Variants in ASTN2 observed in about 807,000 individuals in gnomAD.
ASTN2 encodes astrotactin-2.
ASTN2 carries 54 observed loss-of-function variants against 139.8 expected under a neutral mutation model. The observed-to-expected ratio is 0.39, with a 90% CI of 0.31 to 0.48. The LOEUF is 0.48. Among genes scored for constraint, ASTN2 ranks in the 20% least tolerant of loss-of-function variants. The pLI, the probability that ASTN2 is intolerant of heterozygous loss-of-function variation, is 0.95. For synonymous variants in ASTN2, 756 were observed against 719.5 expected, an observed-to-expected ratio of 1.05 and a Z score of -0.81; for missense variants, 1,565 against 1,725.1, an observed-to-expected ratio of 0.91 and a Z score of 1.64.
rs568653552 is a variant in ASTN2, at chr9:117,404,857, A to T, written c.442+9640T>A. On this transcript the variant is annotated intron_variant, in intron 1 of 22. Transcript: ENST00000313400. ...GGGAGGAAGGAAGAAAAGGGGGAAAAAAAAGAAGGAAAGGGGATGGGGAAG... is the reference window on the plus strand; with the variant it reads ...GGGAGGAAGGAAGAAAAGGGGGAAATAAAAGAAGGAAAGGGGATGGGGAAG... Among the ~76,000 whole-genome samples the T allele has an allele frequency of 6.2e-4, 95 of 152,302 alleles. No individual in the cohort carries two copies. The Middle Eastern group carries it at 0.01, about 16-fold the overall frequency.
chr9:116,431,134 T>C (rs1194196826), intron 22 of ASTN2, among the ~76,000 whole-genome samples: 1 of 152,172 alleles, frequency 6.6e-6, no homozygotes. Flanking sequence ...AGATGCCACT[T>C]TTCCGGGACT....
intron 13 of ASTN2, among the ~76,000 whole-genome samples, chr9:116,780,356 T>G (rs897840917): frequency 5.3e-5 from 8 of 152,212 alleles, no homozygotes; most frequent in African/African-American, 1.9e-4. Context: ...ATTTGCTCAC[T>G]GAATGGACTT....
At chr9:116,735,033 A>G (rs1828890241) in intron 13 of ASTN2, among the ~76,000 whole-genome samples, 1 of 152,138 alleles carries the variant, frequency 6.6e-6, no homozygotes, top group African/African-American at 2.4e-5. Flanking sequence ...GCAATCCCAA[A>G]AGATAGATAT....
chr9:117,295,782 C>G (rs1243110518), intron 1 of ASTN2, among the ~76,000 whole-genome samples: 1 of 151,522 alleles, frequency 6.6e-6, no homozygotes, highest in African/African-American at 2.4e-5. Context: ...AAGTAAAGGT[C>G]GATTGAAAAC....
At chr9:116,629,141 G>A (rs1489687418) in intron 17 of ASTN2, among the ~76,000 whole-genome samples, 7 of 135,834 alleles carry the variant, frequency 5.2e-5, no homozygotes, top group Non-Finnish European at 1.1e-4. Context: ...TTTTTGAGAC[G>A]GAGTCTCGCT....
chr9:116,682,179 G>GA (rs1232315742), intron 16 of ASTN2, among the ~76,000 whole-genome samples: 1 of 152,020 alleles, frequency 6.6e-6, no homozygotes, highest in East Asian at 1.9e-4. Flanking sequence ...AAATTTACAA[G>GA]AAAAAAACAA....
intron 11 of ASTN2, among the ~76,000 whole-genome samples, chr9:116,828,200 G>A (rs999610556): frequency 3.3e-5 from 5 of 151,866 alleles, no homozygotes; most frequent in Non-Finnish European, 5.9e-5. Context: ...GGGAGGCTGA[G>A]GCAGGAGAAT....
intron 4 of ASTN2, among the ~76,000 whole-genome samples, chr9:117,121,133 T>G (rs1290917300): frequency 6.6e-6 from 1 of 152,260 alleles, no homozygotes; most frequent in Non-Finnish European, 1.5e-5. Flanking sequence ...TTTGTGGTCT[T>G]GCCCCAGGGC....
chr9:117,156,029 C>T (rs971667525), intron 3 of ASTN2, among the ~76,000 whole-genome samples: 62 of 151,884 alleles, frequency 4.1e-4, no homozygotes, highest in Admixed American at 1.9e-3. Context: ...GCTAGTCTGA[C>T]ATGGAAGATT....
intron 19 of ASTN2, among the ~76,000 whole-genome samples, chr9:116,526,203 CCA>C (rs1851082542): frequency 6.6e-6 from 1 of 152,178 alleles, no homozygotes; most frequent in African/African-American, 2.4e-5. Flanking sequence ...CATATATGCT[CCA>C]GTTTCTTCTA....
In ASTN2 at chr9:116,742,678, T is replaced by C. The variant is rs546418435; in HGVS notation, c.2397-9155A>G. Among the ~76,000 whole-genome samples, 6 of 152,158 alleles carry C rather than the reference T, an allele frequency of 3.9e-5. No homozygotes were observed. The South Asian group carries it at 1.3e-3, about 32-fold the overall frequency. On this transcript the variant is annotated intron_variant, in intron 13 of 22. Coordinates refer to ENST00000313400, the MANE Select transcript of ASTN2 (RefSeq NM_001365068.1). ...CAGTAAGTGAAGAAGAGACTTGAAT[T>C]TGGAGCCACCCATGCCAAGTTCTGC...
chr9:116,629,259 A>G (rs1026712600), intron 17 of ASTN2, among the ~76,000 whole-genome samples: 6 of 151,844 alleles, frequency 4.0e-5, no homozygotes, highest in Non-Finnish European at 8.8e-5. Context: ...CTGGGACTCC[A>G]GGCGCCTGCC....
intron 16 of ASTN2, among the ~76,000 whole-genome samples, chr9:116,707,692 T>G (rs1828030252): frequency 6.6e-6 from 1 of 152,204 alleles, no homozygotes; most frequent in South Asian, 2.1e-4. Flanking sequence ...GATAAAAGGT[T>G]ACTATTTGGC....
At chr9:117,203,459 T>A (rs763057395) in intron 3 of ASTN2, among the ~76,000 whole-genome samples, 6 of 152,180 alleles carry the variant, frequency 3.9e-5, no homozygotes, top group Non-Finnish European at 8.8e-5. Context: ...TGATTATTTC[T>A]CATCTTCATG....
intron 10 of ASTN2, among the ~76,000 whole-genome samples, chr9:116,939,885 C>A (rs113551466): frequency 2.0e-4 from 30 of 152,314 alleles, no homozygotes; most frequent in African/African-American, 5.8e-4. Flanking sequence ...AGCATGACAA[C>A]AGAGCTGAAA....
chr9:117,225,535 G>GTATGTATGTATATATA (rs369914209), intron 2 of ASTN2, among the ~76,000 whole-genome samples: 2 of 63,922 alleles, frequency 3.1e-5, no homozygotes, highest in African/African-American at 8.7e-5. Flanking sequence ...CAAGCTGTAT[G>GTATGTATGTATATATA]TATATATATA....
intron 5 of ASTN2, among the ~76,000 whole-genome samples, chr9:117,058,194 G>A (rs987896535): frequency 6.6e-5 from 10 of 152,036 alleles, no homozygotes; most frequent in Non-Finnish European, 1.0e-4. Context: ...AAGAATAAAT[G>A]GATAAATGAA....
intron 19 of ASTN2, among the ~76,000 whole-genome samples, chr9:116,615,960 C>G (rs763034945): frequency 6.6e-6 from 1 of 152,118 alleles, no homozygotes; most frequent in Non-Finnish European, 1.5e-5. Context: ...TAGCATCATA[C>G]TTAATGGTGA....
intron 19 of ASTN2, among the ~76,000 whole-genome samples, chr9:116,534,896 G>A (rs1851542279): frequency 6.6e-6 from 1 of 152,196 alleles, no homozygotes; most frequent in Non-Finnish European, 1.5e-5. Context: ...GCAGAACTGA[G>A]TTTAATTCCT....
Sources: gnomAD v4.1 joint callset for allele counts (sites outside exome capture counted in the v4.1 genomes callset) on GRCh38, gnomAD v4.1.1 for gene constraint, MANE v1.5 for transcripts, NCBI Gene and HGNC (gene_info 2026-07-23, HGNC 2026-07-21) for gene names.